IL1R1: variants seen among roughly 807,000 people sequenced by gnomAD.
IL1R1 encodes the protein interleukin-1 receptor type 1.
IL1R1 carries 22 observed loss-of-function variants against 50.2 expected under a neutral mutation model. That is an observed-to-expected ratio of 0.44 (90% CI 0.31 to 0.63). The LOEUF (loss-of-function observed/expected upper bound fraction) is 0.63, where lower values mean the gene tolerates loss of function less well. Ranked by LOEUF, IL1R1 falls within the 20% of genes least tolerant of loss-of-function variation. The pLI is 0.07. For synonymous variants in IL1R1, 251 were observed against 236.7 expected, an observed-to-expected ratio of 1.06 and a Z score of -0.55; for missense variants, 509 against 676.2, an observed-to-expected ratio of 0.75 and a Z score of 2.74.
intron 1 of IL1R1, among the ~76,000 whole-genome samples, chr2:102,116,458 G>T (rs1681077328): frequency 6.6e-6 from 1 of 152,090 alleles, no homozygotes; most frequent in Non-Finnish European, 1.5e-5. Flanking sequence ...TGAGATTTTG[G>T]CATAAATGGC....
At chr2:102,115,709 G>A (rs539475631) in intron 1 of IL1R1, among the ~76,000 whole-genome samples, 8 of 152,208 alleles carry the variant, frequency 5.3e-5, no homozygotes, top group African/African-American at 1.7e-4. Context: ...GGGAGAAGGC[G>A]GAAGAAGAAG....
intron 2 of IL1R1, 86 bp from the exon 3 acceptor site, chr2:102,157,633 C>A: frequency 1.3e-6 from 1 of 799,932 alleles, no homozygotes; most frequent in Non-Finnish European, 2.2e-6. Flanking sequence ...GGGGACAGGG[C>A]CGGTGTTGGT....
At chr2:102,126,190 A>G (rs1368167421) in intron 1 of IL1R1, among the ~76,000 whole-genome samples, 2 of 152,258 alleles carry the variant, frequency 1.3e-5, no homozygotes, top group Non-Finnish European at 2.9e-5. Flanking sequence ...GAAGATATAA[A>G]AGGTAGTCCA....
rs149408738 is a variant in IL1R1, at chr2:102,165,508, T to A, written c.486+204T>A. On this transcript the variant is annotated intron_variant, in intron 5 of 11. Transcript: ENST00000410023. ...CTAGAAATTTGTTTGCTGTTGTTTT[T>A]ATTTAATTTAATAAGATGTAATTGA... Among the ~76,000 whole-genome samples the A allele has an allele frequency of 4.8e-3, 737 of 152,350 alleles. 4 individuals carry two copies. The highest frequency in any genetic ancestry group is 0.017 in the African/African-American group (714 of 41,576).
intron 7 of IL1R1, among the ~76,000 whole-genome samples, chr2:102,171,263 G>T (rs1017394244): frequency 6.6e-6 from 1 of 152,086 alleles, no homozygotes; most frequent in South Asian, 2.1e-4. Context: ...GGGGAAAATC[G>T]TGCTCACATA....
intron 1 of IL1R1, among the ~76,000 whole-genome samples, chr2:102,127,330 G>A (rs1191253161): frequency 6.6e-6 from 1 of 152,186 alleles, no homozygotes; most frequent in Non-Finnish European, 1.5e-5. Flanking sequence ...AGTTGAGGGA[G>A]AGAAGAGAAA....
chr2:102,096,101 A>T (rs1679893030), intron 1 of IL1R1, among the ~76,000 whole-genome samples: 1 of 152,206 alleles, frequency 6.6e-6, no homozygotes, highest in South Asian at 2.1e-4. Flanking sequence ...TATGTAGCAC[A>T]ACTTAGTTTT....
intron 3 of IL1R1, 60 bp from the exon 4 acceptor site, chr2:102,164,714 A>T: frequency 9.3e-7 from 1 of 1,080,138 alleles, no homozygotes; most frequent in Non-Finnish European, 1.4e-6. Flanking sequence ...CGTAGATATT[A>T]AATCAAGACA....
intron 3 of IL1R1, among the ~76,000 whole-genome samples, chr2:102,164,507 T>C (rs1014535942): frequency 6.6e-6 from 1 of 152,162 alleles, no homozygotes; most frequent in African/African-American, 2.4e-5. Context: ...CCTCCTACAT[T>C]GTCCCCACTT....
chr2:102,089,700 C>T (rs1384434108), intron 1 of IL1R1, among the ~76,000 whole-genome samples: 1 of 152,158 alleles, frequency 6.6e-6, no homozygotes, highest in Non-Finnish European at 1.5e-5. Flanking sequence ...TTCACTGTTT[C>T]TATCAAGGAG....
chr2:102,140,948 G>A (rs1457900521), upstream of IL1R1, among the ~76,000 whole-genome samples: 4 of 152,154 alleles, frequency 2.6e-5, no homozygotes, highest in African/African-American at 7.2e-5. Flanking sequence ...GTGGCTGAAC[G>A]GGGACAACAC....
chr2:102,099,019 A>G (rs1438541558), intron 1 of IL1R1, among the ~76,000 whole-genome samples: 1 of 152,216 alleles, frequency 6.6e-6, no homozygotes, highest in Non-Finnish European at 1.5e-5. Context: ...GTAAGACATC[A>G]TCTTACCTTA....
chr2:102,170,197 CA>C (rs1685552952), intron 7 of IL1R1, among the ~76,000 whole-genome samples: 1 of 152,116 alleles, frequency 6.6e-6, no homozygotes, highest in Non-Finnish European at 1.5e-5. Flanking sequence ...GTTAAACAGG[CA>C]ATAAGATCCA....
intron 1 of IL1R1, among the ~76,000 whole-genome samples, chr2:102,113,941 T>A (rs1386708668): frequency 2.0e-5 from 3 of 152,186 alleles, no homozygotes; most frequent in Non-Finnish European, 2.9e-5. Context: ...TGAACATGGG[T>A]CTGTTGGATT....
intron 1 of IL1R1, among the ~76,000 whole-genome samples, chr2:102,092,985 A>G (rs866550455): frequency 4.6e-5 from 7 of 152,208 alleles, no homozygotes; most frequent in Admixed American, 6.5e-5. Context: ...CTACATATAG[A>G]CATCTCCAAG....
chr2:102,143,451 G>C (rs552277530), intron 1 of IL1R1, among the ~76,000 whole-genome samples: 1 of 152,184 alleles, frequency 6.6e-6, no homozygotes, highest in Non-Finnish European at 1.5e-5. Context: ...ATAAAGGATG[G>C]TGCTAGGGAA....
chr2:102,176,826 C>CCAAG lies in IL1R1; in HGVS notation c.*67_*68insCAAG. Reference sequence around the variant, plus strand: ...TATGGCGTTGCAGGCCAGGTTATGCCTCATGCTGACTTGCAGAGTTCATGG... The same window carrying CCAAG: ...TATGGCGTTGCAGGCCAGGTTATGCCCAAGTCATGCTGACTTGCAGAGTTCATGG... On this transcript the variant is annotated 3_prime_UTR_variant, in exon 12 of 12. Coordinates refer to ENST00000410023, the MANE Select transcript of IL1R1 (RefSeq NM_000877.4). The CCAAG allele has an allele frequency of 7.1e-7, 1 of 1,415,052 alleles. No homozygotes were observed. Among genetic ancestry groups the CCAAG allele is most frequent in the Non-Finnish European group, 9.8e-7 (1 of 1,018,926 alleles). The allele number at this position is 1,415,052 out of a possible 1,614,324, so 87.7% of individuals were successfully genotyped here.
At chr2:102,129,653 AG>A (rs1371735418) in intron 1 of IL1R1, among the ~76,000 whole-genome samples, 1 of 152,196 alleles carries the variant, frequency 6.6e-6, no homozygotes, top group African/African-American at 2.4e-5. Flanking sequence ...AATCGGGGTC[AG>A]GGGTGAAGCA....
intron 1 of IL1R1, among the ~76,000 whole-genome samples, chr2:102,119,531 C>T (rs1326343803): frequency 6.6e-6 from 1 of 152,228 alleles, no homozygotes; most frequent in Non-Finnish European, 1.5e-5. Context: ...ACTTGGTGCT[C>T]AGTGGCTTTC....
Sources: allele counts gnomAD v4.1 joint callset (sites outside exome capture counted in the v4.1 genomes callset), GRCh38; gene constraint gnomAD v4.1.1; transcripts MANE v1.5; gene names NCBI Gene and HGNC (gene_info 2026-07-23, HGNC 2026-07-21).